Variants in TACC2 observed in about 807,000 individuals in gnomAD.
TACC2 encodes the protein transforming acidic coiled-coil-containing protein 2.
A neutral mutation model predicts 227.3 loss-of-function variants in TACC2; 137 were observed. That is an observed-to-expected ratio of 0.60 (90% CI 0.52 to 0.69). The LOEUF is 0.69. TACC2 is among the 30% of genes least tolerant of loss of function. TACC2 has a pLI of 0.00. For synonymous variants in TACC2, 1,523 were observed against 1,487.5 expected (o/e 1.02, Z -0.55); for missense variants, 3,470 against 3,694.4 (o/e 0.94, Z 1.57).
intron 3 of TACC2, among the ~76,000 whole-genome samples, chr10:122,065,262 C>T (rs2077260357): frequency 6.6e-6 from 1 of 152,156 alleles, no homozygotes; most frequent in Non-Finnish European, 1.5e-5. Context: ...AAAATATAGG[C>T]ATTTTAGTGC....
At chr10:122,189,143 CTGT>C (rs2094320891) in intron 7 of TACC2, among the ~76,000 whole-genome samples, 1 of 152,088 alleles carries the variant, frequency 6.6e-6, no homozygotes, top group South Asian at 2.1e-4. Context: ...TCTGATCATA[CTGT>C]TTTATGCCAG....
chr10:122,001,089 C>T (rs946236092), intron 1 of TACC2, among the ~76,000 whole-genome samples: 4 of 152,344 alleles, frequency 2.6e-5, no homozygotes, highest in South Asian at 4.1e-4. Context: ...TCCCAAAGTG[C>T]TGGGATTACA....
At chr10:122,131,642 G>T (rs1037062961) in intron 5 of TACC2, among the ~76,000 whole-genome samples, 4 of 152,240 alleles carry the variant, frequency 2.6e-5, no homozygotes, top group African/African-American at 9.6e-5. Context: ...ATAGTCCTTT[G>T]TCTTGGGGAC....
chr10:122,105,106 G>A (rs1274069367), intron 5 of TACC2, among the ~76,000 whole-genome samples: 1 of 152,198 alleles, frequency 6.6e-6, no homozygotes, highest in African/African-American at 2.4e-5. Flanking sequence ...AGGACGCTCC[G>A]TGATTCTGTG....
In TACC2 at chr10:122,226,367, A is replaced by G. The variant is rs779179692; in HGVS notation, c.7610A>G (p.Gln2537Arg). Reference protein sequence around the residue: ...YMEKIGSSLPQDDDAPKKQAL... With the variant: ...YMEKIGSSLPRDDDAPKKQAL... The stretch of plus-strand genomic sequence containing the variant: ...GATATGTGATTTTGATCCCTGCAGC[A>G]GGACGACGATGCCCCGAAGAAGCAG... The change falls in exon 13 of 23, where the codon CAG becomes CGG. Residue 2537 changes from glutamine to arginine, a missense_variant and splice_region_variant. Around this residue, in one of 10 missense-constraint regions of TACC2, gnomAD observed 345 missense variants for 354.4 expected, o/e 0.97. Coordinates refer to ENST00000369005, the MANE Select transcript of TACC2 (RefSeq NM_206862.4). The G allele has an allele frequency of 9.9e-6, 16 of 1,612,704 alleles. No individual in the cohort carries two copies. The highest frequency in any genetic ancestry group is 1.7e-5 in the Admixed American group (1 of 59,984).
At chr10:122,217,437 C>CTTTTTT (rs35233150) in intron 11 of TACC2, among the ~76,000 whole-genome samples, 362 of 92,812 alleles carry the variant, frequency 3.9e-3, no homozygotes, top group Middle Eastern at 8.2e-3. Context: ...TTTCTTTTTT[C>CTTTTTT]TTTTTTTTTT....
chr10:122,210,846 A>G lies in TACC2; in HGVS notation c.6421A>G (p.Thr2141Ala). The G allele has an allele frequency of 6.2e-7, 1 of 1,611,960 alleles. No individual in the cohort carries two copies. Among genetic ancestry groups the G allele is most frequent in the Non-Finnish European group, 8.5e-7 (1 of 1,179,552 alleles). The change falls in exon 9 of 23, where the codon ACC becomes GCC. Residue 2141 changes from threonine (T) to alanine (A), a missense_variant. Thr to Ala is a moderately conservative substitution (Grantham distance 58). Coordinates refer to ENST00000369005, the MANE Select transcript of TACC2 (RefSeq NM_206862.4). This position sits in a 1 kb window ranked among gnomAD's most constrained non-coding sequence, Gnocchi z 4.6. Reference sequence around the variant, plus strand: ...GCCTTCCTTAAAAAAGAAACAGACCACCAAGAAACCCACAGAGACCCCCCC... The same window carrying G: ...GCCTTCCTTAAAAAAGAAACAGACCGCCAAGAAACCCACAGAGACCCCCCC... ...RPPSLKKKQT[T>A]KKPTETPPVK... is the part of the protein sequence containing the mutation.
chr10:122,253,443 G>C (rs972087689), intron 22 of TACC2, among the ~76,000 whole-genome samples: 2 of 152,108 alleles, frequency 1.3e-5, no homozygotes, highest in African/African-American at 4.8e-5. Context: ...AGGTGTGGTG[G>C]GAGAATCACC....
intron 1 of TACC2, among the ~76,000 whole-genome samples, chr10:122,012,055 C>T (rs61874424): frequency 0.16 from 24,764 of 151,804 alleles, 2,184 homozygotes; most frequent in East Asian, 0.25. Context: ...CTCCCGCTTC[C>T]GCCTCCCAAG....
At chr10:122,129,881 C>T (rs1469869053) in intron 5 of TACC2, among the ~76,000 whole-genome samples, 1 of 152,198 alleles carries the variant, frequency 6.6e-6, no homozygotes, top group African/African-American at 2.4e-5. Flanking sequence ...TGTGGGTGCA[C>T]ACATGTGCTA....
At position 122,237,761 on chromosome 10, in the gene TACC2, C is replaced by T. The variant is rs191634659; in HGVS notation, c.8272-200C>T. On this transcript the variant is annotated intron_variant, in intron 17 of 22. Transcript: ENST00000369005. ...AAAAGCATGCCCCTTTCAGTTGCTC[C>T]CCAGTGGGCACTGTGAAAGTCTGAT... 3.6e-3 allele frequency among the ~76,000 whole-genome samples: 543 copies of T among 152,292 alleles called. 4 individuals carry two copies. The highest frequency in any genetic ancestry group is 0.011 in the African/African-American group (477 of 41,562).
intron 7 of TACC2, among the ~76,000 whole-genome samples, chr10:122,178,361 C>T (rs1000239368): frequency 6.6e-6 from 1 of 151,784 alleles, no homozygotes; most frequent in Non-Finnish European, 1.5e-5. Context: ...TTCAGCCTCC[C>T]TAGTATCTGG....
rs12220045 is a variant in TACC2 at position 122,115,281 on chromosome 10, T to A, written c.5574-17328T>A. Reference sequence around the variant, plus strand: ...GGAGGTAGGTAGGTGAGTGTGTGTGTGTGTGTGTGTGTGTGTGTGTGTGTG... The same window carrying A: ...GGAGGTAGGTAGGTGAGTGTGTGTGAGTGTGTGTGTGTGTGTGTGTGTGTG... On this transcript the variant is annotated intron_variant, in intron 5 of 22. Transcript: ENST00000369005. 6.5e-5 allele frequency among the ~76,000 whole-genome samples: 9 copies of A among 138,370 alleles called. No homozygotes were observed. The South Asian group carries it at 1.7e-3, about 26-fold the overall frequency. 90.8% of individuals were successfully genotyped at this position (138,370 alleles called of 152,430 possible). A position where few individuals can be genotyped will look rare whatever the true frequency, so the allele number is the denominator to read the frequency against.
intron 5 of TACC2, among the ~76,000 whole-genome samples, chr10:122,113,502 C>G (rs2084029545): frequency 6.6e-6 from 1 of 152,316 alleles, no homozygotes; most frequent in South Asian, 2.1e-4. Context: ...GCCCGTGGTT[C>G]GGGGCGCGCG....
intron 3 of TACC2, among the ~76,000 whole-genome samples, chr10:122,075,063 A>G (rs73370105): frequency 0.016 from 2,510 of 152,168 alleles, 49 homozygotes; most frequent in African/African-American, 0.045. Flanking sequence ...CCAGACTCTA[A>G]ATTATGAAAT....
intron 6 of TACC2, among the ~76,000 whole-genome samples, chr10:122,137,040 C>A (rs931621627): frequency 2.0e-5 from 3 of 151,884 alleles, no homozygotes; most frequent in Non-Finnish European, 4.4e-5. Context: ...AAAGAAGGCA[C>A]CTCTATCTCT....
intron 1 of TACC2, among the ~76,000 whole-genome samples, chr10:122,021,374 C>A (rs1349925777): frequency 6.6e-6 from 1 of 152,092 alleles, no homozygotes; most frequent in Admixed American, 6.5e-5. Context: ...AGCAAGAAAG[C>A]CATTCTGCCT....
intron 8 of TACC2, among the ~76,000 whole-genome samples, chr10:122,203,185 A>C (rs1361680183): frequency 6.6e-6 from 1 of 152,156 alleles, no homozygotes; most frequent in Non-Finnish European, 1.5e-5. Context: ...TACACCTCCC[A>C]GACGGGGTGG....
chr10:122,109,522 T>C (rs2083340831), intron 5 of TACC2, among the ~76,000 whole-genome samples: 1 of 152,172 alleles, frequency 6.6e-6, no homozygotes, highest in Non-Finnish European at 1.5e-5. Flanking sequence ...CCTATTGATA[T>C]TTTCATGTCA....
Sources: allele counts gnomAD v4.1 joint callset (sites outside exome capture counted in the v4.1 genomes callset), GRCh38; gene constraint gnomAD v4.1.1; regional missense constraint gnomAD v4.1.1; non-coding constraint Gnocchi (gnomAD v3.1); transcripts MANE v1.5; gene names NCBI Gene and HGNC (gene_info 2026-07-23, HGNC 2026-07-21).